SLC24A3: variants seen among roughly 807,000 people sequenced by gnomAD.
The protein encoded by SLC24A3 is sodium/potassium/calcium exchanger 3.
A neutral mutation model predicts 75.8 loss-of-function variants in SLC24A3; 28 were observed. That is an observed-to-expected ratio of 0.37 (90% CI 0.27 to 0.51). The LOEUF (loss-of-function observed/expected upper bound fraction) is 0.51, where lower values mean the gene tolerates loss of function less well. Ranked by LOEUF, SLC24A3 falls within the 20% of genes least tolerant of loss-of-function variation. The pLI, the probability that SLC24A3 is intolerant of heterozygous loss-of-function variation, is 0.94. For synonymous variants in SLC24A3, 372 were observed against 334.1 expected, an observed-to-expected ratio of 1.11 and a Z score of -1.24; for missense variants, 663 against 847.8, an observed-to-expected ratio of 0.78 and a Z score of 2.71.
At chr20:19,280,366 C>G (rs1902039061) in intron 1 of SLC24A3, among the ~76,000 whole-genome samples, 1 of 152,112 alleles carries the variant, frequency 6.6e-6, no homozygotes, top group Non-Finnish European at 1.5e-5. Context: ...TGATAACCCC[C>G]AGAAGCAGAT....
At chr20:19,249,877 T>G (rs2122177872) in intron 1 of SLC24A3, among the ~76,000 whole-genome samples, 1 of 152,390 alleles carries the variant, frequency 6.6e-6, no homozygotes, top group East Asian at 1.9e-4. Context: ...ACAGTGTTAC[T>G]GGGGCACTAA....
chr20:19,566,373 C>A (rs1198540075), intron 3 of SLC24A3, among the ~76,000 whole-genome samples: 1 of 152,200 alleles, frequency 6.6e-6, no homozygotes, highest in Non-Finnish European at 1.5e-5. Flanking sequence ...GTGGGCCCTA[C>A]CTCATTCATT....
intron 2 of SLC24A3, among the ~76,000 whole-genome samples, chr20:19,368,513 C>A (rs1985936885): frequency 6.6e-6 from 1 of 152,178 alleles, no homozygotes; most frequent in African/African-American, 2.4e-5. Flanking sequence ...GGTGTGTGCC[C>A]TCTATTCATA....
At chr20:19,483,821 T>C (rs1235182906) in intron 2 of SLC24A3, among the ~76,000 whole-genome samples, 3 of 152,046 alleles carry the variant, frequency 2.0e-5, no homozygotes, top group Non-Finnish European at 4.4e-5. Context: ...AATCCCAGAG[T>C]ACCAAAGAGA....
At chr20:19,382,235 C>A (rs746104546) in intron 2 of SLC24A3, among the ~76,000 whole-genome samples, 2 of 152,092 alleles carry the variant, frequency 1.3e-5, no homozygotes, top group Non-Finnish European at 2.9e-5. Flanking sequence ...GGAGGAAAAT[C>A]GCACTTCTTA....
At chr20:19,370,956 T>G (rs1042656962) in intron 2 of SLC24A3, among the ~76,000 whole-genome samples, 2 of 152,106 alleles carry the variant, frequency 1.3e-5, no homozygotes, top group African/African-American at 4.8e-5. Context: ...TGGAAGATGA[T>G]GAAATGGAGG....
At chr20:19,448,628 T>G (rs1722790610) in intron 2 of SLC24A3, among the ~76,000 whole-genome samples, 1 of 152,170 alleles carries the variant, frequency 6.6e-6, no homozygotes, top group African/African-American at 2.4e-5. Context: ...AGGATGAGGC[T>G]CCCACAGTCA....
At chr20:19,384,229 A>G (rs1349373965) in intron 2 of SLC24A3, among the ~76,000 whole-genome samples, 2 of 152,208 alleles carry the variant, frequency 1.3e-5, no homozygotes, top group South Asian at 4.1e-4. Context: ...CAATTATACA[A>G]TACAGTATTA....
intron 2 of SLC24A3, among the ~76,000 whole-genome samples, chr20:19,386,028 G>A (rs776481653): frequency 6.6e-6 from 1 of 152,164 alleles, no homozygotes; most frequent in Non-Finnish European, 1.5e-5. Flanking sequence ...CATTTTAACA[G>A]TATTCATTCT....
At chr20:19,265,068 C>T (rs1259516352) in intron 1 of SLC24A3, among the ~76,000 whole-genome samples, 5 of 152,174 alleles carry the variant, frequency 3.3e-5, no homozygotes, top group African/African-American at 1.2e-4. Context: ...CAAACCAGGA[C>T]ACCTTTCAAC....
intron 1 of SLC24A3, among the ~76,000 whole-genome samples, chr20:19,238,721 C>G (rs1407386797): frequency 3.3e-5 from 5 of 152,194 alleles, no homozygotes; most frequent in Admixed American, 6.5e-5. Context: ...CCCTGGCATC[C>G]TGGTCCCCGC....
At chr20:19,348,061 T>C (rs998626306) in intron 2 of SLC24A3, among the ~76,000 whole-genome samples, 5 of 152,198 alleles carry the variant, frequency 3.3e-5, no homozygotes, top group African/African-American at 4.8e-5. Flanking sequence ...GTGGCTGGGC[T>C]GCCAGCCGAT....
chr20:19,568,396 G>A (rs565878267), intron 3 of SLC24A3, among the ~76,000 whole-genome samples: 1 of 152,288 alleles, frequency 6.6e-6, no homozygotes. Context: ...AGCACATTTG[G>A]TATAGACATA....
At chr20:19,293,255 T>A (rs968538719) in intron 2 of SLC24A3, among the ~76,000 whole-genome samples, 2 of 152,188 alleles carry the variant, frequency 1.3e-5, no homozygotes, top group Non-Finnish European at 2.9e-5. Context: ...AGGAGAGTTG[T>A]AACGCAGCTG....
At chr20:19,434,656 G>A (rs914892064) in intron 2 of SLC24A3, among the ~76,000 whole-genome samples, 2 of 152,074 alleles carry the variant, frequency 1.3e-5, no homozygotes, top group African/African-American at 2.4e-5. Context: ...CTAATAGGCA[G>A]CACAGCTGCC....
At chr20:19,558,964 TG>T (rs569778466) in intron 3 of SLC24A3, among the ~76,000 whole-genome samples, 100 of 152,348 alleles carry the variant, frequency 6.6e-4, no homozygotes, top group Non-Finnish European at 1.1e-3. Flanking sequence ...CAATAGTTAG[TG>T]TCTACAGATT....
chr20:19,711,771 C>T (rs1289996765), intron 15 of SLC24A3, among the ~76,000 whole-genome samples: 1 of 152,148 alleles, frequency 6.6e-6, no homozygotes, highest in Non-Finnish European at 1.5e-5. Context: ...TCCCAAGTAG[C>T]TGGAACTACA....
chr20:19,712,748 G>C (rs779975793), intron 15 of SLC24A3, among the ~76,000 whole-genome samples: 6 of 152,214 alleles, frequency 3.9e-5, no homozygotes, highest in East Asian at 1.9e-4. Flanking sequence ...AAGTGGCCCA[G>C]ATGTCCATCA....
chr20:19,446,581 G>A (rs2122475466), intron 2 of SLC24A3, among the ~76,000 whole-genome samples: 2 of 152,280 alleles, frequency 1.3e-5, no homozygotes, highest in Middle Eastern at 3.4e-3. Context: ...TGAGAAGTTT[G>A]GGCAGTGAAT....
Sources: allele counts gnomAD v4.1 joint callset (sites outside exome capture counted in the v4.1 genomes callset), GRCh38; gene constraint gnomAD v4.1.1; transcripts MANE v1.5; gene names NCBI Gene and HGNC (gene_info 2026-07-23, HGNC 2026-07-21).